The following SNTG2 variants were observed in gnomAD, a reference collection of about 807,000 sequenced individuals.
The protein encoded by SNTG2 is syntrophin gamma 2.
Under a neutral mutation model 70.9 loss-of-function variants are expected in SNTG2, and 74 were observed. That is an observed-to-expected ratio of 1.04 (90% CI 0.86 to 1.27). The LOEUF (loss-of-function observed/expected upper bound fraction) is 1.27. Among genes scored for constraint, SNTG2 ranks in the 50% most tolerant of loss-of-function variants. The pLI, the probability that SNTG2 is intolerant of heterozygous loss-of-function variation, is 0.00. For missense variants in SNTG2, 717 were observed against 690.7 expected, an observed-to-expected ratio of 1.04 and a Z score of -0.43; for synonymous variants, 278 against 273.8, an observed-to-expected ratio of 1.02 and a Z score of -0.15.
At chr2:1,068,924 C>T (rs1051995273) in intron 1 of SNTG2, among the ~76,000 whole-genome samples, 3 of 152,170 alleles carry the variant, frequency 2.0e-5, no homozygotes, top group African/African-American at 7.2e-5. Flanking sequence ...ATGGTAGGGC[C>T]GTACTCATTG....
intron 4 of SNTG2, among the ~76,000 whole-genome samples, chr2:1,130,998 G>A (rs892426060): frequency 3.9e-5 from 6 of 152,146 alleles, no homozygotes; most frequent in Non-Finnish European, 8.8e-5. Flanking sequence ...GTTTTATCAG[G>A]TAACACAATG....
chr2:1,148,151 A>G (rs1365742256), intron 6 of SNTG2, among the ~76,000 whole-genome samples: 1 of 152,164 alleles, frequency 6.6e-6, no homozygotes, highest in Non-Finnish European at 1.5e-5. Context: ...GGGGCCCTGC[A>G]AGAGGGTCAG....
intron 8 of SNTG2, among the ~76,000 whole-genome samples, chr2:1,195,123 A>G (rs1672829398): frequency 6.6e-6 from 1 of 152,152 alleles, no homozygotes; most frequent in Admixed American, 6.5e-5. Flanking sequence ...TATCCAGTCT[A>G]TCTTTGATGG....
At chr2:1,074,200 G>C (rs75868677) in intron 1 of SNTG2, among the ~76,000 whole-genome samples, 1 of 152,216 alleles carries the variant, frequency 6.6e-6, no homozygotes, top group East Asian at 1.9e-4. Flanking sequence ...CTCTGTGCAT[G>C]TGTGACCCTC....
chr2:1,166,655 C>T (rs1006403924), intron 7 of SNTG2, among the ~76,000 whole-genome samples: 5 of 152,166 alleles, frequency 3.3e-5, no homozygotes, highest in African/African-American at 7.2e-5. Flanking sequence ...AGGGCTGCAC[C>T]CCCAGGCCTG....
At chr2:1,338,645 C>A (rs1339611739) in intron 16 of SNTG2, among the ~76,000 whole-genome samples, 1 of 152,136 alleles carries the variant, frequency 6.6e-6, no homozygotes, top group African/African-American at 2.4e-5. Flanking sequence ...TTCTATCTGG[C>A]TTCTTTTGCT....
At chr2:1,262,574 G>A (rs553216989) in intron 13 of SNTG2, among the ~76,000 whole-genome samples, 19 of 122,366 alleles carry the variant, frequency 1.6e-4, no homozygotes, top group Admixed American at 1.1e-3. Flanking sequence ...GGAAGAAGCC[G>A]GGTCAAGTCT....
intron 1 of SNTG2, among the ~76,000 whole-genome samples, chr2:968,384 C>T (rs1240469707): frequency 6.6e-6 from 1 of 152,124 alleles, no homozygotes. Flanking sequence ...AAAAATAAAT[C>T]AGTCTCCCAG....
rs1244266944 is a variant in SNTG2 at position 1,353,884 on chromosome 2, G to A, written c.1489-13459G>A. The A allele has an allele frequency of 6.6e-6, 1 of 152,200 alleles. No homozygotes were observed. Among genetic ancestry groups the A allele is most frequent in the Non-Finnish European group, 1.5e-5 (1 of 68,044 alleles). The allele number at this position is 152,200 out of a possible 1,614,324, so 9.4% of individuals were successfully genotyped here. On this transcript the variant is annotated intron_variant, in intron 16 of 16. Transcript: ENST00000308624. This position sits in a 1 kb window ranked among gnomAD's most constrained non-coding sequence, Gnocchi z 4.2. ...CATTTGGTAATATTAGCATTTATGT[G>A]TTGATTGAAAGTGTCACTCTGGTGA...
chr2:1,185,188 G>A (rs951121479), intron 8 of SNTG2, among the ~76,000 whole-genome samples: 6 of 152,316 alleles, frequency 3.9e-5, no homozygotes, highest in Admixed American at 3.9e-4. Flanking sequence ...CCACTCTGAT[G>A]CAAGGGGTGG....
chr2:1,247,988 T>C (rs1218577989), intron 12 of SNTG2, among the ~76,000 whole-genome samples: 2 of 152,158 alleles, frequency 1.3e-5, no homozygotes, highest in African/African-American at 2.4e-5. Flanking sequence ...TAATGTGTAA[T>C]GTCTAGAAGT....
Position 1,267,567 on chromosome 2 carries a change from C to A in SNTG2, c.1280C>A (p.Thr427Asn). Residue 427 changes from threonine (T) to asparagine (N), a missense_variant, in exon 14 of 17, where the codon ACC becomes AAC. Transcript: ENST00000308624. The part of the protein sequence containing the change: ...QRATFMEVQR[T>N]GSRTYMCSWQ... Reference sequence around the variant, plus strand: ...GCCACGTTCATGGAAGTTCAGAGAACCGGGGTAAGTGAACAACTCACACTC... The same window carrying A: ...GCCACGTTCATGGAAGTTCAGAGAAACGGGGTAAGTGAACAACTCACACTC... 6.2e-7 allele frequency: 1 copy of A among 1,612,436 alleles called. No individual in the cohort carries two copies. The highest frequency in any genetic ancestry group is 8.5e-7 in the Non-Finnish European group (1 of 1,179,812).
Position 1,130,698 on chromosome 2 carries a change from A to C in SNTG2, c.326-6924A>C, listed in dbSNP as rs1391267742. Among the ~76,000 whole-genome samples, 4 of 152,320 alleles carry C rather than the reference A, an allele frequency of 2.6e-5. No individual in the cohort carries two copies. The East Asian group carries it at 5.8e-4, about 22-fold the overall frequency. ...AGAAAGTCTTGTGCCCAAGTCACAA[A>C]GCATGTATTTCTTGCCAAGAGGCTT... is the stretch of plus-strand genomic sequence containing the variant. On this transcript the variant is annotated intron_variant, in intron 4 of 16. Transcript: ENST00000308624.
intron 6 of SNTG2, among the ~76,000 whole-genome samples, chr2:1,148,220 CTG>C (rs918734667): frequency 5.3e-5 from 8 of 152,222 alleles, no homozygotes; most frequent in Non-Finnish European, 5.9e-5. Context: ...TGTTGGAAAA[CTG>C]TGAAATACGG....
chr2:954,930 C>T (rs1402258067), intron 1 of SNTG2, among the ~76,000 whole-genome samples: 3 of 152,146 alleles, frequency 2.0e-5, no homozygotes, highest in African/African-American at 7.2e-5. Context: ...TTTAAGGAGT[C>T]TACATTTTTA....
chr2:1,162,453 T>A (rs1279061368), intron 6 of SNTG2, among the ~76,000 whole-genome samples: 2 of 152,160 alleles, frequency 1.3e-5, no homozygotes, highest in Non-Finnish European at 2.9e-5. Context: ...CAAACTGCTC[T>A]TGTCCTGGTG....
In SNTG2 at chr2:1,293,455, C is replaced by A. The variant is rs563813034; in HGVS notation, c.1285-15039C>A. Among the ~76,000 whole-genome samples the A allele has an allele frequency of 7.3e-5, 11 of 150,870 alleles. No individual in the cohort carries two copies. In the East Asian group the frequency reaches 1.9e-3, roughly 27 times the overall value. ...TTCTTAAGGTTAAAAGTTAAGATGC[C>A]AATTTGAGATCTTTCTTTTTTTAAT... On this transcript the variant is annotated intron_variant, in intron 14 of 16. Transcript: ENST00000308624.
At chr2:1,190,602 C>T (rs949693449) in intron 8 of SNTG2, among the ~76,000 whole-genome samples, 6 of 140,844 alleles carry the variant, frequency 4.3e-5, no homozygotes, top group Non-Finnish European at 7.7e-5. Flanking sequence ...AATACTTAAC[C>T]ATATATATAT....
chr2:1,237,843 C>A, intron 9 of SNTG2, 45 bp from the exon 10 acceptor site: 1 of 1,561,512 alleles, frequency 6.4e-7, no homozygotes, highest in Non-Finnish European at 8.7e-7. Flanking sequence ...GGCAGGCCCG[C>A]TCCCGTCGCT....
Sources: allele counts gnomAD v4.1 joint callset (sites outside exome capture counted in the v4.1 genomes callset), GRCh38; gene constraint gnomAD v4.1.1; non-coding constraint Gnocchi (gnomAD v3.1); transcripts MANE v1.5; gene names NCBI Gene and HGNC (gene_info 2026-07-23, HGNC 2026-07-21).